Variants in GSG1L observed in about 807,000 individuals in gnomAD.
GSG1L encodes the protein GSG1 like, also known as germ cell-specific gene 1-like protein.
A neutral mutation model predicts 42.1 loss-of-function variants in GSG1L; 24 were observed. That is an observed-to-expected ratio of 0.57 (90% confidence interval 0.41 to 0.80). The LOEUF (loss-of-function observed/expected upper bound fraction) is 0.80. Among genes scored for constraint, GSG1L ranks in the 30% least tolerant of loss-of-function variants. The pLI is 0.00. For synonymous variants in GSG1L, 215 were observed against 203.5 expected, an observed-to-expected ratio of 1.06 and a Z score of -0.48; for missense variants, 445 against 472.2, an observed-to-expected ratio of 0.94 and a Z score of 0.53.
chr16:28,005,095 G>C (rs1232439061), intron 1 of GSG1L, among the ~76,000 whole-genome samples: 1 of 152,144 alleles, frequency 6.6e-6, no homozygotes, highest in Non-Finnish European at 1.5e-5. Flanking sequence ...AGGGCTGTGG[G>C]GGAAGGATCT....
intron 2 of GSG1L, among the ~76,000 whole-genome samples, chr16:27,890,177 G>A (rs938264684): frequency 1.3e-5 from 2 of 152,158 alleles, no homozygotes; most frequent in Admixed American, 6.5e-5. Context: ...GATATTCTCT[G>A]GAGTCCCAAG....
Position 27,888,014 on chromosome 16 carries a change from G to A in GSG1L, c.398-3376C>T, listed in dbSNP as rs1044391589. ...TCAGAGAGCGCTGAGCCTGCAGGAG[G>A]GTGGCCGCCCCCAGGAGGTTTCATC... On this transcript the variant is annotated intron_variant, in intron 2 of 6. Transcript: ENST00000447459. 24 of 780,156 alleles carry A rather than the reference G, an allele frequency of 3.1e-5. No homozygotes were observed. In the African/African-American group the frequency reaches 4.3e-4, roughly 14 times the overall value. 48.3% of individuals were successfully genotyped at this position (780,156 alleles called of 1,614,324 possible).
intron 3 of GSG1L, among the ~76,000 whole-genome samples, chr16:27,873,465 A>G (rs1348860778): frequency 1.3e-5 from 2 of 152,154 alleles, no homozygotes; most frequent in Non-Finnish European, 2.9e-5. Flanking sequence ...AAAAGTTCTG[A>G]ATTCTGGAAC....
At position 27,992,402 on chromosome 16, in the gene GSG1L, G is replaced by A. The variant is rs867704807; in HGVS notation, c.350-29199C>T. ...CCCAGTTACTAGGGAGGCTGAGGCA[G>A]GAGAATCACTTGAACCTGGGAGGCC... On this transcript the variant is annotated intron_variant, in intron 1 of 6. Coordinates refer to ENST00000447459, the MANE Select transcript of GSG1L (RefSeq NM_001109763.2). Among the ~76,000 whole-genome samples the A allele has an allele frequency of 8.2e-4, 124 of 152,106 alleles. 3 individuals are homozygous for A. Among genetic ancestry groups the A allele is most frequent in the African/African-American group, 2.7e-3 (114 of 41,508 alleles).
chr16:27,996,311 T>A (rs2085513683), intron 1 of GSG1L, among the ~76,000 whole-genome samples: 1 of 152,310 alleles, frequency 6.6e-6, no homozygotes, highest in South Asian at 2.1e-4. Context: ...CTCCTAAAGA[T>A]GCATATTCTC....
intron 2 of GSG1L, among the ~76,000 whole-genome samples, chr16:27,919,824 G>A (rs1275298484): frequency 1.3e-5 from 2 of 152,206 alleles, no homozygotes. Flanking sequence ...TCACCTGAAA[G>A]GAGGAAAATA....
intron 5 of GSG1L, among the ~76,000 whole-genome samples, chr16:27,815,804 A>G (rs1284206142): frequency 1.3e-5 from 2 of 152,132 alleles, no homozygotes; most frequent in African/African-American, 4.8e-5. Flanking sequence ...TCTAGTCTCT[A>G]CCAAAAACAA....
At chr16:28,010,544 G>A (rs1029940778) in intron 1 of GSG1L, among the ~76,000 whole-genome samples, 1 of 152,114 alleles carries the variant, frequency 6.6e-6, no homozygotes, top group African/African-American at 2.4e-5. Flanking sequence ...AGGTGCCACC[G>A]TGCCAAGGCC....
chr16:27,888,135 C>T (rs954477910), intron 2 of GSG1L: 12 of 985,454 alleles, frequency 1.2e-5, no homozygotes, highest in Non-Finnish European at 1.4e-5. Flanking sequence ...CTCATCATGG[C>T]GCTGCTCACT....
At position 28,018,766 on chromosome 16, in the gene GSG1L, A is replaced by T. The variant is rs915791070; in HGVS notation, c.349+44310T>A. Among the ~76,000 whole-genome samples, 5 of 151,454 alleles carry T rather than the reference A, an allele frequency of 3.3e-5. No homozygotes were observed. In the South Asian group the frequency reaches 8.4e-4, roughly 25 times the overall value. ...AGTCAAATAACCCAGACCCCACCTCACCTGGAAACCGGAGCCCATAACATG... is the reference window on the plus strand; with the variant it reads ...AGTCAAATAACCCAGACCCCACCTCTCCTGGAAACCGGAGCCCATAACATG... On this transcript the variant is annotated intron_variant, in intron 1 of 6. Transcript: ENST00000447459.
At chr16:27,843,960 G>GCT (rs2083415692) in intron 4 of GSG1L, among the ~76,000 whole-genome samples, 2 of 152,262 alleles carry the variant, frequency 1.3e-5, no homozygotes, top group Admixed American at 6.5e-5. Context: ...CTTAGGAAGA[G>GCT]CTCTCCCCAA....
chr16:27,869,977 CTCTG>C (rs1187819183), intron 3 of GSG1L, among the ~76,000 whole-genome samples: 1 of 148,214 alleles, frequency 6.7e-6, no homozygotes, highest in Admixed American at 6.6e-5. Flanking sequence ...CTCTCTCTCT[CTCTG>C]TCTCTGCCTC....
chr16:28,023,995 A>G (rs2085874069), intron 1 of GSG1L, among the ~76,000 whole-genome samples: 1 of 152,146 alleles, frequency 6.6e-6, no homozygotes, highest in African/African-American at 2.4e-5. Flanking sequence ...ACACCACTGC[A>G]CTCTAGCCTG....
chr16:27,856,193 C>T (rs1333728144), intron 3 of GSG1L, among the ~76,000 whole-genome samples: 5 of 152,084 alleles, frequency 3.3e-5, no homozygotes, highest in Non-Finnish European at 5.9e-5. Flanking sequence ...GTCATAAAAA[C>T]CAGAAAATGT....
At chr16:27,968,148 A>G (rs2085155610) in intron 1 of GSG1L, among the ~76,000 whole-genome samples, 1 of 152,166 alleles carries the variant, frequency 6.6e-6, no homozygotes, top group Non-Finnish European at 1.5e-5. Flanking sequence ...TTACAACCAC[A>G]TTGGCAAAAA....
At chr16:28,046,007 A>G (rs1017787229) in intron 1 of GSG1L, among the ~76,000 whole-genome samples, 1 of 152,202 alleles carries the variant, frequency 6.6e-6, no homozygotes, top group African/African-American at 2.4e-5. Context: ...AGAAAAATAA[A>G]AATTAAATAA....
chr16:27,927,417 C>T (rs2084606968), intron 2 of GSG1L, among the ~76,000 whole-genome samples: 1 of 152,110 alleles, frequency 6.6e-6, no homozygotes, highest in Non-Finnish European at 1.5e-5. Flanking sequence ...CGGAATCCTT[C>T]AGTGACTCCC....
intron 6 of GSG1L, among the ~76,000 whole-genome samples, chr16:27,806,554 A>G (rs192659771): frequency 2.6e-5 from 4 of 152,288 alleles, no homozygotes; most frequent in Non-Finnish European, 1.5e-5. Flanking sequence ...TTGACTCTTT[A>G]TGCCTCAGGG....
intron 1 of GSG1L, among the ~76,000 whole-genome samples, chr16:28,029,751 G>A (rs767993346): frequency 6.6e-6 from 1 of 152,208 alleles, no homozygotes; most frequent in Non-Finnish European, 1.5e-5. Context: ...AAAGATGGAT[G>A]GATGATGGAT....
Sources: gnomAD v4.1 joint callset for allele counts (sites outside exome capture counted in the v4.1 genomes callset) on GRCh38, gnomAD v4.1.1 for gene constraint, MANE v1.5 for transcripts, NCBI Gene and HGNC (gene_info 2026-07-23, HGNC 2026-07-21) for gene names.